The following DUSP16 variants were observed in gnomAD, a reference collection of about 807,000 sequenced individuals.
DUSP16 encodes dual specificity phosphatase 16.
Under a neutral mutation model 58.3 loss-of-function variants are expected in DUSP16, and 21 were observed. The ratio of observed to expected loss-of-function variants is 0.36; its 90% CI spans 0.26 to 0.52. DUSP16 has a LOEUF of 0.52. Among genes scored for constraint, DUSP16 ranks in the 20% least tolerant of loss-of-function variants. The pLI is 0.94. For synonymous variants in DUSP16, 320 were observed against 323.8 expected, an observed-to-expected ratio of 0.99 and a Z score of 0.12; for missense variants, 726 against 819.0, an observed-to-expected ratio of 0.89 and a Z score of 1.39.
Position 12,540,130 on chromosome 12 carries a change from T to TAA in DUSP16, c.-365-18669_-365-18668dup, listed in dbSNP as rs34452441. Among the ~76,000 whole-genome samples, 114 of 139,852 alleles carry TAA rather than the reference T, an allele frequency of 8.2e-4. 2 individuals are homozygous for TAA. Among genetic ancestry groups the TAA allele is most frequent in the Admixed American group, 1.4e-3 (19 of 14,012 alleles). 91.7% of individuals were successfully genotyped at this position (139,852 alleles called of 152,430 possible). ...ACATACTGAGACCCCGACTCTACTT[T>TAA]AAAAAAAAAAAAAACTAAAAAAAAA... On this transcript the variant is annotated intron_variant, in intron 1 of 6. Coordinates refer to ENST00000298573, the MANE Select transcript of DUSP16 (RefSeq NM_030640.3).
intron 1 of DUSP16, among the ~76,000 whole-genome samples, chr12:12,529,416 T>C (rs1390978986): frequency 6.6e-6 from 1 of 152,208 alleles, no homozygotes; most frequent in Non-Finnish European, 1.5e-5. Flanking sequence ...GGCCAAACTT[T>C]TTAAATTAAT....
At chr12:12,538,733 C>G (rs1433254859) in intron 1 of DUSP16, among the ~76,000 whole-genome samples, 1 of 152,176 alleles carries the variant, frequency 6.6e-6, no homozygotes, top group Non-Finnish European at 1.5e-5. Context: ...AATGGTGAGG[C>G]AACAGCCTCG....
chr12:12,525,875 G>C (rs1328444137), intron 1 of DUSP16, among the ~76,000 whole-genome samples: 1 of 151,984 alleles, frequency 6.6e-6, no homozygotes, highest in African/African-American at 2.4e-5. Context: ...CAGCTGGCCT[G>C]TTTTATGACA....
At chr12:12,492,595 A>G (rs1943777116) in intron 4 of DUSP16, among the ~76,000 whole-genome samples, 1 of 151,950 alleles carries the variant, frequency 6.6e-6, no homozygotes, top group African/African-American at 2.4e-5. Flanking sequence ...CTCCCACCTT[A>G]AAAATATCTC....
At chr12:12,555,873 C>T (rs994205656) in intron 1 of DUSP16, among the ~76,000 whole-genome samples, 30 of 151,964 alleles carry the variant, frequency 2.0e-4, no homozygotes, top group Admixed American at 1.9e-3. Flanking sequence ...AAGACCCTGT[C>T]TCTACACAAA....
At chr12:12,492,154 TCTAA>T (rs1360230451) in intron 4 of DUSP16, among the ~76,000 whole-genome samples, 2 of 152,146 alleles carry the variant, frequency 1.3e-5, no homozygotes, top group African/African-American at 4.8e-5. Flanking sequence ...TGCTACCTGA[TCTAA>T]CTTTCAATTC....
At chr12:12,478,873 T>A (rs1042148801) in intron 6 of DUSP16, among the ~76,000 whole-genome samples, 1 of 152,246 alleles carries the variant, frequency 6.6e-6, no homozygotes, top group African/African-American at 2.4e-5. Flanking sequence ...CATGACAGAC[T>A]AACCAAGACA....
intron 3 of DUSP16, among the ~76,000 whole-genome samples, chr12:12,515,916 C>T (rs1335908575): frequency 6.7e-6 from 1 of 150,198 alleles, no homozygotes; most frequent in Non-Finnish European, 1.5e-5. Context: ...GCTGAGACTA[C>T]AGGCAGATGC....
chr12:12,480,076 C>T, intron 6 of DUSP16, 147 bp downstream of exon 6: 2 of 1,122,330 alleles, frequency 1.8e-6, no homozygotes, highest in Non-Finnish European at 2.5e-6. Flanking sequence ...CCAATCTTCA[C>T]AAGACCATTA....
intron 1 of DUSP16, among the ~76,000 whole-genome samples, chr12:12,531,880 C>T (rs58443254): frequency 0.12 from 18,680 of 150,754 alleles, 1,220 homozygotes; most frequent in Middle Eastern, 0.17. Context: ...AAAACAAGGC[C>T]GGGCGCGGTG....
Position 12,501,755 on chromosome 12 carries a change from G to A in DUSP16, c.368-1073C>T, listed in dbSNP as rs144473899. On this transcript the variant is annotated intron_variant, in intron 3 of 6. Coordinates refer to ENST00000298573, the MANE Select transcript of DUSP16 (RefSeq NM_030640.3). ...GCCTGTAATCCCCGCACTTTGGGAG[G>A]CCGAGGCAGGCGGATTGCCTGAGGT... Among the ~76,000 whole-genome samples, 940 of 152,310 alleles carry A rather than the reference G, an allele frequency of 6.2e-3. 5 individuals carry two copies. The highest frequency in any genetic ancestry group is 9.6e-3 in the Non-Finnish European group (651 of 68,030).
At chr12:12,515,084 A>C (rs941078603) in intron 3 of DUSP16, among the ~76,000 whole-genome samples, 2 of 131,914 alleles carry the variant, frequency 1.5e-5, no homozygotes, top group African/African-American at 5.9e-5. Context: ...ATTAAAAAGA[A>C]AAAATATATA....
intron 1 of DUSP16, chr12:12,561,033 G>C (rs1944893811): frequency 1.3e-5 from 2 of 150,498 alleles, no homozygotes; most frequent in Admixed American, 6.6e-5. Flanking sequence ...TGATAGGTTT[G>C]GTTCACTTGA....
chr12:12,506,412 T>C (rs1943997863), intron 3 of DUSP16, among the ~76,000 whole-genome samples: 1 of 152,194 alleles, frequency 6.6e-6, no homozygotes, highest in Non-Finnish European at 1.5e-5. Context: ...AGACATAACA[T>C]CAGTCCGTTA....
intron 1 of DUSP16, among the ~76,000 whole-genome samples, chr12:12,561,677 A>T (rs998217736): frequency 5.3e-5 from 8 of 152,190 alleles, no homozygotes; most frequent in Admixed American, 3.9e-4. Context: ...GGGAACAGTC[A>T]GGCCAGGGCC....
At chr12:12,506,151 C>T (rs1001741521) in intron 3 of DUSP16, 4 of 152,208 alleles carry the variant, frequency 2.6e-5, no homozygotes, top group African/African-American at 9.7e-5. Flanking sequence ...ACAGATGAGA[C>T]ACTGCCTGAT....
At position 12,475,831 on chromosome 12, in the gene DUSP16, G is replaced by C. The variant is rs574928048; in HGVS notation, c.*1002C>G. On this transcript the variant is annotated 3_prime_UTR_variant, in exon 7 of 7. Coordinates refer to ENST00000298573, the MANE Select transcript of DUSP16 (RefSeq NM_030640.3). ...TGAAGCAGAAAGGGCAAAAACATCT[G>C]CTTTGGCTGAGAATTTGAAGGTGCT... The C allele has an allele frequency of 6.6e-6, 1 of 152,308 alleles. No individual in the cohort carries two copies. Among genetic ancestry groups the C allele is most frequent in the African/African-American group, 2.4e-5 (1 of 41,576 alleles). The allele number at this position is 152,308 out of a possible 1,614,324, so 9.4% of individuals were successfully genotyped here. A position where few individuals can be genotyped will look rare whatever the true frequency, so the allele number is the denominator to read the frequency against.
At chr12:12,514,938 C>T (rs1944126334) in intron 3 of DUSP16, among the ~76,000 whole-genome samples, 1 of 152,176 alleles carries the variant, frequency 6.6e-6, no homozygotes, top group Non-Finnish European at 1.5e-5. Flanking sequence ...GGAATACAGG[C>T]ATAAGCCACC....
intron 3 of DUSP16, among the ~76,000 whole-genome samples, chr12:12,504,019 G>A (rs1419691240): frequency 6.6e-6 from 1 of 152,184 alleles, no homozygotes; most frequent in African/African-American, 2.4e-5. Flanking sequence ...CCACTGTTTA[G>A]AATTTATGCT....
Sources: gnomAD v4.1 joint callset for allele counts (sites outside exome capture counted in the v4.1 genomes callset) on GRCh38, gnomAD v4.1.1 for gene constraint, MANE v1.5 for transcripts, NCBI Gene and HGNC (gene_info 2026-07-23, HGNC 2026-07-21) for gene names.